The following LCLAT1 variants were observed in gnomAD, a reference collection of about 807,000 sequenced individuals.
LCLAT1 encodes the protein 1-AGP acyltransferase 8.
LCLAT1 carries 11 observed loss-of-function variants against 30.7 expected under a neutral mutation model. That is an observed-to-expected ratio of 0.36 (90% CI 0.23 to 0.59). The LOEUF (loss-of-function observed/expected upper bound fraction) is 0.59. Among genes scored for constraint, LCLAT1 ranks in the 20% least tolerant of loss-of-function variants. The pLI is 0.77. For missense variants in LCLAT1, 402 were observed against 458.6 expected (o/e 0.88, Z 1.13); for synonymous variants, 155 against 151.3 (o/e 1.02, Z -0.18).
At chr2:30,534,219 CTGTGTGTGTGTGTGTGTGTG>C (rs57380693) in intron 3 of LCLAT1, among the ~76,000 whole-genome samples, 211 of 130,580 alleles carry the variant, frequency 1.6e-3, no homozygotes, top group Middle Eastern at 7.6e-3. Context: ...AGTTGATTTA[CTGTGTGTGTGTGTGTGTGTG>C]TGTGTGTGTG....
At chr2:30,534,274 T>TGTGTGTGTGTG in intron 3 of LCLAT1, among the ~76,000 whole-genome samples, 1 of 106,666 alleles carries the variant, frequency 9.4e-6, no homozygotes. Flanking sequence ...TGTGTGTGTG[T>TGTGTGTGTGTG]TTGGGAGACG....
intron 1 of LCLAT1, among the ~76,000 whole-genome samples, chr2:30,468,481 G>A (rs1029259324): frequency 1.1e-4 from 17 of 151,726 alleles, no homozygotes; most frequent in African/African-American, 3.4e-4. Flanking sequence ...GACCTCCACT[G>A]TGGATAGTTG....
chr2:30,570,011 G>C (rs554915451), intron 5 of LCLAT1, among the ~76,000 whole-genome samples: 5 of 152,080 alleles, frequency 3.3e-5, no homozygotes, highest in Non-Finnish European at 5.9e-5. Context: ...ATGTAACTTA[G>C]ACTCACCCTT....
intron 1 of LCLAT1, among the ~76,000 whole-genome samples, chr2:30,493,680 C>G (rs1683952537): frequency 6.6e-6 from 1 of 152,168 alleles, no homozygotes; most frequent in Admixed American, 6.5e-5. Flanking sequence ...CTGCCACATT[C>G]TCTCCCTAAC....
chr2:30,493,895 T>A (rs10201729), intron 1 of LCLAT1, among the ~76,000 whole-genome samples: 1 of 151,960 alleles, frequency 6.6e-6, no homozygotes, highest in African/African-American at 2.4e-5. Context: ...GGCTCATGCC[T>A]ATAACCCAAC....
At chr2:30,500,623 G>A (rs748867067) in intron 1 of LCLAT1, among the ~76,000 whole-genome samples, 5 of 152,188 alleles carry the variant, frequency 3.3e-5, no homozygotes, top group Admixed American at 1.3e-4. Flanking sequence ...TTAGGGGGCT[G>A]AACCCTTGAA....
intron 1 of LCLAT1, chr2:30,459,720 T>C (rs1233328499): frequency 1.2e-6 from 2 of 1,608,802 alleles, no homozygotes; most frequent in Non-Finnish European, 1.7e-6. Context: ...CTAAAAGCTT[T>C]GGGTAAGTCT....
rs1015880202 is a variant in LCLAT1, at chr2:30,489,857, G to C, written c.-4-35730G>C. 3.3e-5 allele frequency among the ~76,000 whole-genome samples: 5 copies of C among 152,304 alleles called. No homozygotes were observed. In the East Asian group the frequency reaches 9.7e-4, roughly 29 times the overall value. On this transcript the variant is annotated intron_variant, in intron 1 of 5. Transcript: ENST00000379509. ...CAACCCACCATTACACTTAAAACATGCAAAAAACTGGTTACGCTCTTAAAC... is the reference window on the plus strand; with the variant it reads ...CAACCCACCATTACACTTAAAACATCCAAAAAACTGGTTACGCTCTTAAAC...
At chr2:30,602,194 T>C (rs1423389927) in intron 5 of LCLAT1, among the ~76,000 whole-genome samples, 2 of 152,134 alleles carry the variant, frequency 1.3e-5, no homozygotes, top group Admixed American at 6.6e-5. Context: ...ATAAGTGTGT[T>C]TGAGAAAGAT....
intron 5 of LCLAT1, among the ~76,000 whole-genome samples, chr2:30,577,308 G>A (rs1041571022): frequency 6.6e-6 from 1 of 151,942 alleles, no homozygotes; most frequent in Admixed American, 6.6e-5. Context: ...TAAATCAGCA[G>A]CCTTCCCCTA....
At chr2:30,628,124 G>A (rs966575366) in intron 5 of LCLAT1, among the ~76,000 whole-genome samples, 1 of 152,072 alleles carries the variant, frequency 6.6e-6, no homozygotes, top group Non-Finnish European at 1.5e-5. Flanking sequence ...CCTAAAAACA[G>A]AAATAGAAAC....
intron 5 of LCLAT1, among the ~76,000 whole-genome samples, chr2:30,633,029 T>C (rs1011559552): frequency 4.6e-5 from 7 of 152,218 alleles, no homozygotes; most frequent in African/African-American, 1.7e-4. Flanking sequence ...ATTTTTAGTC[T>C]AAATATATCT....
chr2:30,575,444 T>A (rs1665955409), intron 5 of LCLAT1, among the ~76,000 whole-genome samples: 7 of 152,170 alleles, frequency 4.6e-5, no homozygotes, highest in Admixed American at 4.6e-4. Flanking sequence ...TACACACATA[T>A]GCACATCTGA....
At chr2:30,582,349 T>C (rs1666243410) in intron 5 of LCLAT1, among the ~76,000 whole-genome samples, 1 of 152,206 alleles carries the variant, frequency 6.6e-6, no homozygotes, top group Non-Finnish European at 1.5e-5. Flanking sequence ...CAGAATTCTT[T>C]ATGAGGCTAA....
At chr2:30,497,561 C>T (rs533023723) in intron 1 of LCLAT1, among the ~76,000 whole-genome samples, 43 of 152,224 alleles carry the variant, frequency 2.8e-4, no homozygotes, top group Middle Eastern at 3.4e-3. Flanking sequence ...TTTGTAGCAG[C>T]CTCTGACAGA....
At chr2:30,493,524 A>C (rs987459835) in intron 1 of LCLAT1, among the ~76,000 whole-genome samples, 3 of 152,220 alleles carry the variant, frequency 2.0e-5, no homozygotes, top group Non-Finnish European at 2.9e-5. Flanking sequence ...CTGTTAAAGA[A>C]GTGCAGTTAA....
At chr2:30,544,352 C>G (rs1343506448) in intron 3 of LCLAT1, among the ~76,000 whole-genome samples, 2 of 152,132 alleles carry the variant, frequency 1.3e-5, no homozygotes, top group African/African-American at 4.8e-5. Context: ...TCCTTTTTAA[C>G]TATTAAGAGA....
chr2:30,543,147 C>G (rs1047899024), intron 3 of LCLAT1, among the ~76,000 whole-genome samples: 5 of 151,832 alleles, frequency 3.3e-5, no homozygotes, highest in Non-Finnish European at 4.4e-5. Context: ...CCCTTCTATT[C>G]CTGATTTGCT....
At position 30,631,856 on chromosome 2, in the gene LCLAT1, A is replaced by G. The variant is rs1438876682; in HGVS notation, c.629-8261A>G. Among the ~76,000 whole-genome samples, 4 of 152,202 alleles carry G rather than the reference A, an allele frequency of 2.6e-5. No individual in the cohort carries two copies. The East Asian group carries it at 7.7e-4, about 29-fold the overall frequency. ...ATATATGAGAGTTCCAAGAGCTGTG[A>G]TTTAAATTTCACATTGCTTCTTTAA... On this transcript the variant is annotated intron_variant, in intron 5 of 5. Coordinates refer to ENST00000379509, the MANE Select transcript of LCLAT1 (RefSeq NM_001002257.3).
Sources: gnomAD v4.1 joint callset for allele counts (sites outside exome capture counted in the v4.1 genomes callset) on GRCh38, gnomAD v4.1.1 for gene constraint, MANE v1.5 for transcripts, NCBI Gene and HGNC (gene_info 2026-07-23, HGNC 2026-07-21) for gene names.